The following TAS2R1 variants were observed in gnomAD, a reference collection of about 807,000 sequenced individuals.
The protein encoded by TAS2R1 is taste 2 receptor member 1, also known as taste receptor type 2 member 1.
For synonymous variants in TAS2R1, 141 were observed against 134.2 expected (o/e 1.05, Z -0.35); for missense variants, 370 against 353.4 (o/e 1.05, Z -0.38).
chr5:9,776,401 G>A, the TAS2R1 span, among the ~76,000 whole-genome samples: 1 of 152,180 alleles, frequency 6.6e-6, no homozygotes, highest in African/African-American at 2.4e-5. Context: ...AAATTAAAAA[G>A]AGGTAGTGTG....
the TAS2R1 span, among the ~76,000 whole-genome samples, chr5:9,892,786 A>G: frequency 9.8e-5 from 15 of 152,296 alleles, no homozygotes; most frequent in African/African-American, 3.1e-4. Context: ...GCAGGCTATG[A>G]GTCAAGTACA....
At chr5:9,822,699 T>C in the TAS2R1 span, among the ~76,000 whole-genome samples, 1 of 152,190 alleles carries the variant, frequency 6.6e-6, no homozygotes, top group Non-Finnish European at 1.5e-5. Context: ...TATGTACATA[T>C]GTCCTTTTCC....
At chr5:9,890,683 A>G in the TAS2R1 span, among the ~76,000 whole-genome samples, 1 of 152,238 alleles carries the variant, frequency 6.6e-6, no homozygotes, top group African/African-American at 2.4e-5. Context: ...GTAAGTGTCC[A>G]TGTAAACTAA....
the TAS2R1 span, among the ~76,000 whole-genome samples, chr5:9,840,380 T>A: frequency 2.0e-5 from 3 of 152,236 alleles, no homozygotes; most frequent in Non-Finnish European, 2.9e-5. Context: ...TTCATCTTGT[T>A]TTTTATCCTT....
intron 1 of TAS2R1, among the ~76,000 whole-genome samples, chr5:9,697,840 C>T (rs1741394404): frequency 6.6e-6 from 1 of 151,238 alleles, no homozygotes; most frequent in Non-Finnish European, 1.5e-5. Context: ...ATAAAATAAT[C>T]ATTGTTATTA....
chr5:9,678,781 G>A (rs921779456), intron 1 of TAS2R1, among the ~76,000 whole-genome samples: 6 of 152,094 alleles, frequency 3.9e-5, no homozygotes, highest in Non-Finnish European at 7.4e-5. Context: ...GAGCCTGTTG[G>A]GGGGTTTGGG....
the TAS2R1 span, among the ~76,000 whole-genome samples, chr5:9,822,585 G>A: frequency 2.8e-4 from 43 of 152,036 alleles, 1 homozygote; most frequent in Non-Finnish European, 5.4e-4. Context: ...TTCTGACCTC[G>A]TGATCCGCCC....
chr5:9,642,428 C>T (rs904929225), intron 2 of TAS2R1, among the ~76,000 whole-genome samples: 7 of 152,102 alleles, frequency 4.6e-5, no homozygotes, highest in Admixed American at 2.6e-4. Flanking sequence ...TGAATCTTCC[C>T]GATAGCAGAG....
At chr5:9,879,519 T>C in the TAS2R1 span, among the ~76,000 whole-genome samples, 1 of 152,190 alleles carries the variant, frequency 6.6e-6, no homozygotes, top group East Asian at 1.9e-4. Flanking sequence ...CCTTTCCAAC[T>C]ATCATTCTGG....
At chr5:9,739,359 G>A in the TAS2R1 span, among the ~76,000 whole-genome samples, 1 of 152,304 alleles carries the variant, frequency 6.6e-6, no homozygotes, top group South Asian at 2.1e-4. Context: ...CAGTCTCCAG[G>A]ACAGGTGTTA....
At chr5:9,831,181 T>C in the TAS2R1 span, among the ~76,000 whole-genome samples, 3 of 152,154 alleles carry the variant, frequency 2.0e-5, no homozygotes, top group Admixed American at 2.0e-4. Flanking sequence ...GTTGGGACTG[T>C]AACTTGGTGG....
the TAS2R1 span, among the ~76,000 whole-genome samples, chr5:9,861,006 C>CT: frequency 7.7e-6 from 1 of 129,114 alleles, no homozygotes; most frequent in Non-Finnish European, 1.6e-5. Context: ...AAGTTGCAAA[C>CT]TGACTGTAAT....
the TAS2R1 span, among the ~76,000 whole-genome samples, chr5:9,865,284 C>A: frequency 6.6e-6 from 1 of 152,132 alleles, no homozygotes; most frequent in African/African-American, 2.4e-5. Context: ...ATCAACAAGA[C>A]AAAGTCATGG....
At chr5:9,855,678 G>C in the TAS2R1 span, among the ~76,000 whole-genome samples, 1 of 152,238 alleles carries the variant, frequency 6.6e-6, no homozygotes, top group Non-Finnish European at 1.5e-5. Context: ...CCACTGGCTT[G>C]AGCCATTTGA....
At chr5:9,792,505 G>A in the TAS2R1 span, among the ~76,000 whole-genome samples, 29 of 152,254 alleles carry the variant, frequency 1.9e-4, no homozygotes, top group East Asian at 4.8e-3. Context: ...CGATCAACCC[G>A]ACTTTTGAAG....
upstream of TAS2R1, among the ~76,000 whole-genome samples, chr5:9,632,829 T>C (rs977025189): frequency 3.3e-5 from 5 of 152,080 alleles, no homozygotes; most frequent in African/African-American, 1.2e-4. Context: ...CTTGAACCCC[T>C]CCAAGTCATC....
chr5:9,752,391 T>C, the TAS2R1 span, among the ~76,000 whole-genome samples: 1 of 152,184 alleles, frequency 6.6e-6, no homozygotes, highest in East Asian at 1.9e-4. Flanking sequence ...CTTTACATGC[T>C]CTTCTTTCCA....
At chr5:9,897,403 C>G in the TAS2R1 span, among the ~76,000 whole-genome samples, 1 of 152,172 alleles carries the variant, frequency 6.6e-6, no homozygotes, top group Admixed American at 6.5e-5. Flanking sequence ...GAGCCGAGAT[C>G]ACGCCGCTGC....
the TAS2R1 span, among the ~76,000 whole-genome samples, chr5:9,740,466 C>G: frequency 3.9e-5 from 6 of 152,318 alleles, no homozygotes; most frequent in Admixed American, 3.3e-4. Flanking sequence ...TGGTGTAGTT[C>G]TCTCTTCACT....
Sources: allele counts gnomAD v4.1 joint callset (sites outside exome capture counted in the v4.1 genomes callset), GRCh38; gene constraint gnomAD v4.1.1; transcripts MANE v1.5; gene names NCBI Gene and HGNC (gene_info 2026-07-23, HGNC 2026-07-21).